MAS1: variants seen among roughly 807,000 people sequenced by gnomAD.
MAS1 encodes the protein proto-oncogene Mas.
For missense variants in MAS1, 387 were observed against 409.7 expected (o/e 0.94, Z 0.48); for synonymous variants, 163 against 164.2 (o/e 0.99, Z 0.05).
rs965156222 is a variant in MAS1, at chr6:159,906,904, C to A, written c.-36-16C>A. ...CATGGCTTTTTGTGTTTGTTTTGTTCTGGACATATTTACAGAAAATTACCT... is the reference window on the plus strand; with the variant it reads ...CATGGCTTTTTGTGTTTGTTTTGTTATGGACATATTTACAGAAAATTACCT... On this transcript the variant is annotated splice_polypyrimidine_tract_variant and intron_variant, in intron 2 of 2. Transcript: ENST00000674077. 4 of 1,513,352 alleles carry A rather than the reference C, an allele frequency of 2.6e-6. No homozygotes were observed. In the African/African-American group the frequency reaches 5.6e-5, roughly 21 times the overall value. 93.7% of individuals were successfully genotyped at this position (1,513,352 alleles called of 1,614,324 possible).
Position 159,910,683 on chromosome 6 carries a change from C to T in MAS1, c.*2750C>T, listed in dbSNP as rs146854226. 7 of 152,294 alleles carry T rather than the reference C, an allele frequency of 4.6e-5. No homozygotes were observed. The East Asian group carries it at 1.2e-3, about 25-fold the overall frequency. The allele number at this position is 152,294 out of a possible 1,614,324, so 9.4% of individuals were successfully genotyped here. On this transcript the variant is annotated 3_prime_UTR_variant, in exon 3 of 3. Transcript: ENST00000674077. ...ATAAATAGACTCAAATTGCTTCCACCTAACCAGAAGCCATTCCTTGCCCCA... is the reference window on the plus strand; with the variant it reads ...ATAAATAGACTCAAATTGCTTCCACTTAACCAGAAGCCATTCCTTGCCCCA...
chr6:159,896,205 G>A (rs959827024), intron 1 of MAS1, among the ~76,000 whole-genome samples: 1 of 152,140 alleles, frequency 6.6e-6, no homozygotes, highest in African/African-American at 2.4e-5. Context: ...CTACCTGGGA[G>A]GCTCACTTAA....
chr6:159,898,180 C>A (rs1489510425), intron 1 of MAS1, among the ~76,000 whole-genome samples: 2 of 152,064 alleles, frequency 1.3e-5, no homozygotes, highest in Non-Finnish European at 2.9e-5. Flanking sequence ...GTGTGAGCCA[C>A]TCCACCCAGC....
rs183016782 is a variant in MAS1, at chr6:159,897,034, C to T, written c.-243-2152C>T. Among the ~76,000 whole-genome samples the T allele has an allele frequency of 1.5e-3, 235 of 152,218 alleles. 4 individuals carry two copies. Among genetic ancestry groups the T allele is most frequent in the Admixed American group, 0.014 (216 of 15,290 alleles). On this transcript the variant is annotated intron_variant, in intron 1 of 2. Transcript: ENST00000674077. The stretch of plus-strand genomic sequence containing the variant: ...GACTACAGGCGTCCGCCACCACGCC[C>T]GGCTAATTTTTCTGTATTTCTAGTA...
In MAS1 at chr6:159,912,066, G is replaced by GC. The variant is rs1782971269; in HGVS notation, c.*4135dup. 6.6e-6 allele frequency: 1 copy of GC among 152,310 alleles called. No homozygotes were observed. Among genetic ancestry groups the GC allele is most frequent in the South Asian group, 2.1e-4 (1 of 4,838 alleles). The allele number at this position is 152,310 out of a possible 1,614,324, so 9.4% of individuals were successfully genotyped here. A position where few individuals can be genotyped will look rare whatever the true frequency, so the allele number is the denominator to read the frequency against. On this transcript the variant is annotated 3_prime_UTR_variant, in exon 3 of 3. Coordinates refer to ENST00000674077, the MANE Select transcript of MAS1 (RefSeq NM_002377.4). ...GGAGGGTTGGTGAACAGCACCACTG[G>GC]CCTTGACTAGCCTGCTCCCTGCCAC...
At chr6:159,905,034 C>A (rs548002979) in intron 2 of MAS1, among the ~76,000 whole-genome samples, 1 of 152,328 alleles carries the variant, frequency 6.6e-6, no homozygotes, top group South Asian at 2.1e-4. Flanking sequence ...CAGGTCCCTG[C>A]CACTCCTTTC....
At chr6:159,898,902 A>C (rs1407278011) in intron 1 of MAS1, among the ~76,000 whole-genome samples, 2 of 152,190 alleles carry the variant, frequency 1.3e-5, no homozygotes, top group African/African-American at 4.8e-5. Context: ...TAAGATCCAC[A>C]TAAGTTTCTG....
In MAS1 at chr6:159,906,822, CA is replaced by C. The variant is rs1262702929; in HGVS notation, c.-36-97del. The C allele has an allele frequency of 8.4e-6, 8 of 955,416 alleles. No individual in the cohort carries two copies. The Admixed American group carries it at 2.3e-4, about 28-fold the overall frequency. The allele number at this position is 955,416 out of a possible 1,614,324, so 59.2% of individuals were successfully genotyped here. The stretch of plus-strand genomic sequence containing the variant: ...AGTCTGTTAAACTTTTTTTTAATAA[CA>C]TGAAGATTATGATTTATAGCTGAAT... On this transcript the variant is annotated intron_variant, in intron 2 of 2. Coordinates refer to ENST00000674077, the MANE Select transcript of MAS1 (RefSeq NM_002377.4).
chr6:159,898,665 C>CCTGCTT (rs1438077189), intron 1 of MAS1, among the ~76,000 whole-genome samples: 4 of 115,194 alleles, frequency 3.5e-5, no homozygotes, highest in African/African-American at 9.7e-5. Context: ...CCTCCCTCCT[C>CCTGCTT]CTTCCTCTTC....
At chr6:159,903,330 G>T (rs373989005) in intron 2 of MAS1, among the ~76,000 whole-genome samples, 1 of 152,062 alleles carries the variant, frequency 6.6e-6, no homozygotes, top group Non-Finnish European at 1.5e-5. Flanking sequence ...CCCAGCCCTG[G>T]TTAAATCCAC....
intron 2 of MAS1, among the ~76,000 whole-genome samples, chr6:159,901,431 C>T (rs1186228652): frequency 6.6e-6 from 1 of 152,140 alleles, no homozygotes; most frequent in Non-Finnish European, 1.5e-5. Context: ...GGCAACACTA[C>T]AAAAAATTAA....
chr6:159,890,374 C>T (rs1782683040), upstream of MAS1, among the ~76,000 whole-genome samples: 2 of 152,172 alleles, frequency 1.3e-5, no homozygotes, highest in South Asian at 4.1e-4. Context: ...CAGGAGGAGC[C>T]CCCGGACCAG....
chr6:159,907,023 C>A lies in MAS1; in HGVS notation c.68C>A (p.Ala23Asp), dbSNP rs1340099925. The A allele has an allele frequency of 6.2e-7, 1 of 1,613,724 alleles. No homozygotes were observed. Among genetic ancestry groups the A allele is most frequent in the African/African-American group, 1.3e-5 (1 of 74,910 alleles). The change falls in exon 3 of 3, where the codon GCC becomes GAC. Residue 23 changes from alanine to aspartate, a missense_variant. Ala to Asp is a moderately radical substitution (Grantham distance 126). Coordinates refer to ENST00000674077, the MANE Select transcript of MAS1 (RefSeq NM_002377.4). ...ACGAACATCTCAACTGGCAGGAACG[C>A]CTCAGTCGGGAATGCACATCGGCAA... ...EPTNISTGRN[A>D]SVGNAHRQIP...
At chr6:159,893,209 G>A (rs1332235302) in intron 1 of MAS1, among the ~76,000 whole-genome samples, 3 of 152,250 alleles carry the variant, frequency 2.0e-5, no homozygotes, top group Non-Finnish European at 2.9e-5. Flanking sequence ...GTGAGGTGCT[G>A]GAGCCTGAAT....
At chr6:159,903,640 A>G (rs912718660) in intron 2 of MAS1, among the ~76,000 whole-genome samples, 1 of 152,036 alleles carries the variant, frequency 6.6e-6, no homozygotes, top group Non-Finnish European at 1.5e-5. Flanking sequence ...CGCCTTGGGC[A>G]CTCCCACAAC....
chr6:159,898,052 C>T (rs939119101), intron 1 of MAS1, among the ~76,000 whole-genome samples: 10 of 151,810 alleles, frequency 6.6e-5, no homozygotes, highest in African/African-American at 2.4e-4. Context: ...CCACCACGCC[C>T]GGATAATTTT....
At chr6:159,898,508 C>CTCCTCCTCCTCCTCCTTCT (rs1562309816) in intron 1 of MAS1, among the ~76,000 whole-genome samples, 1 of 144,218 alleles carries the variant, frequency 6.9e-6, no homozygotes, top group Non-Finnish European at 1.5e-5. Flanking sequence ...CCTCCTCCTC[C>CTCCTCCTCCTCCTCCTTCT]TCCTCCTCCT....
At chr6:159,890,590 A>G (rs1160632053), upstream of MAS1, among the ~76,000 whole-genome samples, 1 of 152,244 alleles carries the variant, frequency 6.6e-6, no homozygotes, top group Non-Finnish European at 1.5e-5. Context: ...GGGTCTATAC[A>G]TAGACTCATC....
At chr6:159,899,159 C>G (rs779948216) in intron 1 of MAS1, 27 bp from the exon 2 acceptor site, 2 of 152,260 alleles carry the variant, frequency 1.3e-5, no homozygotes, top group East Asian at 3.8e-4. Context: ...GATATTCTCA[C>G]AGTCTAACTT....
Sources: allele counts gnomAD v4.1 joint callset (sites outside exome capture counted in the v4.1 genomes callset), GRCh38; gene constraint gnomAD v4.1.1; transcripts MANE v1.5; gene names NCBI Gene and HGNC (gene_info 2026-07-23, HGNC 2026-07-21).